The following SYT7 variants were observed in gnomAD, a reference collection of about 807,000 sequenced individuals.
The protein encoded by SYT7 is synaptotagmin-7.
Under a neutral mutation model 75.1 loss-of-function variants are expected in SYT7, and 29 were observed. The ratio of observed to expected loss-of-function variants is 0.39; its 90% CI spans 0.29 to 0.53. The LOEUF (loss-of-function observed/expected upper bound fraction) is 0.53. Among genes scored for constraint, SYT7 ranks in the 20% least tolerant of loss-of-function variants. The probability of loss-of-function intolerance (pLI) is 0.77; values close to 1 mark genes in which losing one functional copy is unlikely to be tolerated. For synonymous variants in SYT7, 376 were observed against 401.7 expected (o/e 0.94, Z 0.76); for missense variants, 693 against 953.2 (o/e 0.73, Z 3.59).
intron 6 of SYT7, 45 bp from the exon 7 acceptor site, chr11:61,538,311 C>A: frequency 7.4e-7 from 1 of 1,348,460 alleles, no homozygotes; most frequent in Non-Finnish European, 9.7e-7. Context: ...AACGAGGAGG[C>A]CCCGTGGGCG....
intron 12 of SYT7, 108 bp downstream of exon 12, chr11:61,522,967 C>G: frequency 8.9e-7 from 1 of 1,124,594 alleles, no homozygotes; most frequent in Non-Finnish European, 1.3e-6. Context: ...TGATCCCAAT[C>G]TCTCCTGGTG....
intron 1 of SYT7, among the ~76,000 whole-genome samples, chr11:61,560,771 G>A (rs980627038): frequency 6.6e-6 from 1 of 152,070 alleles, no homozygotes; most frequent in African/African-American, 2.4e-5. Context: ...GACCTTGAAA[G>A]TCATGAAGTC....
At chr11:61,566,271 CCCTCACCTCA>C (rs561809036) in intron 1 of SYT7, among the ~76,000 whole-genome samples, 2 of 152,196 alleles carry the variant, frequency 1.3e-5, no homozygotes, top group East Asian at 3.9e-4. Flanking sequence ...CTCAGTGACC[CCCTCACCTCA>C]CCTCACCTCA....
chr11:61,585,989 C>A (rs2064376989), upstream of SYT7, among the ~76,000 whole-genome samples: 1 of 152,194 alleles, frequency 6.6e-6, no homozygotes, highest in Admixed American at 6.5e-5. Flanking sequence ...GGCTGTCTTT[C>A]CTGGTTCCCT....
At chr11:61,531,367 G>C (rs1296938362) in intron 8 of SYT7, among the ~76,000 whole-genome samples, 1 of 152,190 alleles carries the variant, frequency 6.6e-6, no homozygotes, top group African/African-American at 2.4e-5. Context: ...CTGCCAGGAA[G>C]CTGTAACCAA....
Position 61,527,886 on chromosome 11 carries a change from A to G in SYT7, c.1471+29T>C, listed in dbSNP as rs113698866. 16 of 1,609,608 alleles carry G rather than the reference A, an allele frequency of 9.9e-6. No individual in the cohort carries two copies. The African/African-American group carries it at 1.7e-4, about 17-fold the overall frequency. On this transcript the variant is annotated intron_variant, in intron 9 of 12. Coordinates refer to ENST00000539008, the MANE Select transcript of SYT7 (RefSeq NM_001365809.2). The stretch of plus-strand genomic sequence containing the variant: ...GGATGGTAGACAGCAAGAGGTGACC[A>G]TGGCGGGGGAAGGTGGCACTAGACT...
At position 61,551,236 on chromosome 11, in the gene SYT7, G is replaced by T; in HGVS notation, c.215+148C>A. On this transcript the variant is annotated intron_variant, in intron 3 of 12. Coordinates refer to ENST00000539008, the MANE Select transcript of SYT7 (RefSeq NM_001365809.2). This position sits in a 1 kb window ranked among gnomAD's most constrained non-coding sequence, Gnocchi z 5.3. ...AAGACGGGGCCCCTGAGTTTTTGGG[G>T]GTGTGTGGAGGGTGTAGAGAGCATG... 2.7e-6 allele frequency: 2 copies of T among 736,628 alleles called. No individual in the cohort carries two copies. Among genetic ancestry groups the T allele is most frequent in the Non-Finnish European group, 4.4e-6 (2 of 450,754 alleles). 45.6% of individuals were successfully genotyped at this position (736,628 alleles called of 1,614,324 possible).
At chr11:61,548,545 G>A (rs1039973665) in intron 3 of SYT7, among the ~76,000 whole-genome samples, 2 of 152,192 alleles carry the variant, frequency 1.3e-5, no homozygotes, top group Non-Finnish European at 1.5e-5. Context: ...CATGTTTCAG[G>A]CATGGGAATG....
intron 1 of SYT7, among the ~76,000 whole-genome samples, chr11:61,579,441 G>A (rs1264370700): frequency 1.3e-5 from 2 of 152,240 alleles, no homozygotes; most frequent in Non-Finnish European, 2.9e-5. Flanking sequence ...GAAGGAGACT[G>A]AATCTCTCAC....
intron 7 of SYT7, 81 bp from the exon 8 acceptor site, chr11:61,533,205 T>G (rs2062764117): frequency 6.7e-7 from 1 of 1,489,792 alleles, no homozygotes; most frequent in Non-Finnish European, 8.9e-7. Context: ...TGGCAGGACC[T>G]TCTCTGAAGA....
chr11:61,539,206 G>C (rs921950252), intron 6 of SYT7, among the ~76,000 whole-genome samples: 2 of 152,144 alleles, frequency 1.3e-5, no homozygotes, highest in African/African-American at 4.8e-5. Flanking sequence ...GTGCTTTGAG[G>C]GAGCACAGTC....
At position 61,580,861 on chromosome 11, in the gene SYT7, G is replaced by T; in HGVS notation, c.-41C>A. 1.5e-5 allele frequency: 18 copies of T among 1,184,948 alleles called. No homozygotes were observed. The highest frequency in any genetic ancestry group is 1.9e-5 in the Non-Finnish European group (18 of 958,656). The allele number at this position is 1,184,948 out of a possible 1,614,324, so 73.4% of individuals were successfully genotyped here. On this transcript the variant is annotated 5_prime_UTR_variant, in exon 1 of 13. Transcript: ENST00000539008. This position sits in a 1 kb window ranked among gnomAD's most constrained non-coding sequence, Gnocchi z 6.1. ...GGTTCCCTCCGGGCTCCTCAGAGCC[G>T]CCCGCGGCCGCGCGCTGCTCCGCCG...
chr11:61,544,557 G>T (rs1300036491), intron 5 of SYT7, among the ~76,000 whole-genome samples: 2 of 152,206 alleles, frequency 1.3e-5, no homozygotes. Flanking sequence ...CTGGGGGCAG[G>T]TCAAGGCAGA....
At chr11:61,520,089 CGTGAT>C (rs2062270514) in intron 12 of SYT7, among the ~76,000 whole-genome samples, 1 of 131,100 alleles carries the variant, frequency 7.6e-6, no homozygotes, top group African/African-American at 4.4e-5. Flanking sequence ...CTCCTGACCT[CGTGAT>C]CTGGGCAAAC....
chr11:61,538,384 AGAGAAAG>A, intron 6 of SYT7, 118 bp from the exon 7 acceptor site: 2 of 846,528 alleles, frequency 2.4e-6, no homozygotes, highest in Non-Finnish European at 1.7e-6. Flanking sequence ...AGAGAGAGAG[AGAGAAAG>A]AGAGAGAGAG....
At position 61,580,782 on chromosome 11, in the gene SYT7, G is replaced by A. The variant is rs1278429772; in HGVS notation, c.31+8C>T. The A allele has an allele frequency of 3.5e-5, 44 of 1,275,180 alleles. No homozygotes were observed. The highest frequency in any genetic ancestry group is 4.4e-5 in the Non-Finnish European group (44 of 1,010,276). 79.0% of individuals were successfully genotyped at this position (1,275,180 alleles called of 1,614,324 possible). A position where few individuals can be genotyped will look rare whatever the true frequency, so the allele number is the denominator to read the frequency against. ...CGGGGCGCCCCAGCCCGCCGGGGCC[G>A]CGCTTACCTGGGCTGGCCGCCTCCG... On this transcript the variant is annotated splice_region_variant and intron_variant, in intron 1 of 12. Transcript: ENST00000539008. This position sits in a 1 kb window ranked among gnomAD's most constrained non-coding sequence, Gnocchi z 6.1.
At chr11:61,583,914 C>T (rs1211976753), upstream of SYT7, among the ~76,000 whole-genome samples, 4 of 152,060 alleles carry the variant, frequency 2.6e-5, no homozygotes, top group East Asian at 1.9e-4. Context: ...GTTTAGGGGA[C>T]GCAGAGTCAT....
At chr11:61,562,856 A>G (rs1405287982) in intron 1 of SYT7, among the ~76,000 whole-genome samples, 1 of 151,184 alleles carries the variant, frequency 6.6e-6, no homozygotes, top group East Asian at 1.9e-4. Flanking sequence ...ACTCCTTCTC[A>G]TCTCCTCAGC....
At chr11:61,520,327 C>A (rs1565160266) in intron 12 of SYT7, among the ~76,000 whole-genome samples, 5 of 151,800 alleles carry the variant, frequency 3.3e-5, no homozygotes. Context: ...AGTTTGAGAC[C>A]AGATTGGGTA....
Sources: gnomAD v4.1 joint callset for allele counts (sites outside exome capture counted in the v4.1 genomes callset) on GRCh38, gnomAD v4.1.1 for gene constraint, Gnocchi (gnomAD v3.1) non-coding constraint, MANE v1.5 for transcripts, NCBI Gene and HGNC (gene_info 2026-07-23, HGNC 2026-07-21) for gene names.